Variants in GALNT7 observed in about 807,000 individuals in gnomAD.
GALNT7 encodes N-acetylgalactosaminyltransferase 7.
Under a neutral mutation model 82.1 loss-of-function variants are expected in GALNT7, and 60 were observed. The observed-to-expected ratio is 0.73, with a 90% CI of 0.59 to 0.91. The LOEUF (loss-of-function observed/expected upper bound fraction) is 0.91, where lower values mean the gene tolerates loss of function less well. Among genes scored for constraint, GALNT7 ranks in the 40% least tolerant of loss-of-function variants. The pLI, the probability that GALNT7 is intolerant of heterozygous loss-of-function variation, is 0.00. For missense variants in GALNT7, 660 were observed against 804.2 expected (o/e 0.82, Z 2.17); for synonymous variants, 243 against 275.1 (o/e 0.88, Z 1.15).
In GALNT7 at chr4:173,312,055, C is replaced by T. The variant is rs867978750; in HGVS notation, c.1390-1903C>T. ...CACTCATTTGTTTGTGTATTATCTA[C>T]GGTTACTTTCTCACTACAATAGCAG... On this transcript the variant is annotated intron_variant, in intron 8 of 11. Coordinates refer to ENST00000265000, the MANE Select transcript of GALNT7 (RefSeq NM_017423.3). Among the ~76,000 whole-genome samples, 4 of 152,244 alleles carry T rather than the reference C, an allele frequency of 2.6e-5. 1 individual carries two copies. In the Middle Eastern group the frequency reaches 0.01, roughly 388 times the overall value.
At chr4:173,276,362 CA>C (rs1561185505) in intron 2 of GALNT7, among the ~76,000 whole-genome samples, 1 of 151,970 alleles carries the variant, frequency 6.6e-6, no homozygotes, top group Admixed American at 6.6e-5. Flanking sequence ...TTGACCTTCA[CA>C]GGGATTGATT....
At chr4:173,310,290 C>T (rs1034918328) in intron 8 of GALNT7, among the ~76,000 whole-genome samples, 1 of 152,212 alleles carries the variant, frequency 6.6e-6, no homozygotes, top group Non-Finnish European at 1.5e-5. Context: ...GTGAATGAAA[C>T]TTAGGGAGGC....
intron 8 of GALNT7, among the ~76,000 whole-genome samples, chr4:173,313,495 C>T (rs1382106551): frequency 6.7e-6 from 1 of 150,108 alleles, no homozygotes; most frequent in African/African-American, 2.5e-5. Context: ...CACTTAAACC[C>T]AGGAAGTTGA....
chr4:173,293,661 A>G (rs1736617420), intron 3 of GALNT7, among the ~76,000 whole-genome samples: 1 of 152,208 alleles, frequency 6.6e-6, no homozygotes, highest in Non-Finnish European at 1.5e-5. Flanking sequence ...TTCCTCACAT[A>G]CGTGTGCATC....
At chr4:173,191,063 G>GAA (rs113249937) in intron 1 of GALNT7, among the ~76,000 whole-genome samples, 1 of 140,478 alleles carries the variant, frequency 7.1e-6, no homozygotes, top group African/African-American at 2.6e-5. Flanking sequence ...TTGGAGGACT[G>GAA]AAAAAAAAAA....
At chr4:173,248,567 C>T (rs947376225) in intron 2 of GALNT7, 127 bp downstream of exon 2, 29 of 643,516 alleles carry the variant, frequency 4.5e-5, no homozygotes, top group Non-Finnish European at 7.4e-5. Context: ...ATAAGAGGAT[C>T]TTTGAACAGC....
chr4:173,312,517 A>G (rs1304497659), intron 8 of GALNT7, among the ~76,000 whole-genome samples: 1 of 152,152 alleles, frequency 6.6e-6, no homozygotes, highest in Non-Finnish European at 1.5e-5. Context: ...GGAGGCCATT[A>G]ATGTATTAAC....
At chr4:173,189,859 A>G (rs1192001428) in intron 1 of GALNT7, among the ~76,000 whole-genome samples, 1 of 152,236 alleles carries the variant, frequency 6.6e-6, no homozygotes, top group East Asian at 1.9e-4. Flanking sequence ...ATGGAAATAC[A>G]TGAAGGCTGA....
rs898143258 is a variant in GALNT7 at position 173,311,674 on chromosome 4, C to G, written c.1390-2284C>G. 7.4e-4 allele frequency among the ~76,000 whole-genome samples: 113 copies of G among 152,288 alleles called. 2 individuals carry two copies. Among genetic ancestry groups the G allele is most frequent in the Non-Finnish European group, 3.5e-4 (24 of 68,024 alleles). On this transcript the variant is annotated intron_variant, in intron 8 of 11. Transcript: ENST00000265000. ...GGGGGTGGACTGGTGGTAAATCATT[C>G]ATGGAGGATCCACCCCATGAACCAG...
chr4:173,222,735 C>T (rs1267634184), intron 1 of GALNT7, among the ~76,000 whole-genome samples: 2 of 152,012 alleles, frequency 1.3e-5, no homozygotes, highest in East Asian at 1.9e-4. Flanking sequence ...TATTTACCTG[C>T]GATTATATAG....
chr4:173,207,016 T>G (rs779183536), intron 1 of GALNT7, among the ~76,000 whole-genome samples: 1 of 152,256 alleles, frequency 6.6e-6, no homozygotes, highest in African/African-American at 2.4e-5. Context: ...CTCCTGTCTA[T>G]AACTGTTGGG....
intron 2 of GALNT7, among the ~76,000 whole-genome samples, chr4:173,267,606 A>G (rs1735551042): frequency 6.6e-6 from 1 of 152,196 alleles, no homozygotes; most frequent in African/African-American, 2.4e-5. Flanking sequence ...CACCTCAGCA[A>G]GCAGAGCTCA....
chr4:173,183,900 G>A (rs183877082), intron 1 of GALNT7, among the ~76,000 whole-genome samples: 2,024 of 151,504 alleles, frequency 0.013, 34 homozygotes, highest in East Asian at 0.053. Context: ...CTGCCGGGTG[G>A]AGGGGCTCCT....
At chr4:173,262,281 A>G (rs1028999694) in intron 2 of GALNT7, among the ~76,000 whole-genome samples, 3 of 152,216 alleles carry the variant, frequency 2.0e-5, no homozygotes, top group African/African-American at 7.2e-5. Flanking sequence ...TAGAATCTGA[A>G]AGCATAAAAA....
intron 1 of GALNT7, among the ~76,000 whole-genome samples, chr4:173,196,730 A>G (rs1732790486): frequency 6.6e-6 from 1 of 152,068 alleles, no homozygotes; most frequent in Non-Finnish European, 1.5e-5. Flanking sequence ...GTGCGTTGTT[A>G]CCCACCATGC....
At chr4:173,318,704 C>T in intron 11 of GALNT7, 145 bp downstream of exon 11, 1 of 566,854 alleles carries the variant, frequency 1.8e-6, no homozygotes, top group Non-Finnish European at 3.1e-6. Flanking sequence ...CATAGGTTTT[C>T]CTGAGCACTG....
intron 6 of GALNT7, among the ~76,000 whole-genome samples, chr4:173,301,263 A>G (rs559261007): frequency 9.9e-5 from 15 of 152,224 alleles, no homozygotes; most frequent in Admixed American, 5.9e-4. Flanking sequence ...AGTACCCTAA[A>G]ATTTAAGAAT....
chr4:173,241,753 T>A (rs1734441379), intron 1 of GALNT7, among the ~76,000 whole-genome samples: 1 of 152,222 alleles, frequency 6.6e-6, no homozygotes, highest in African/African-American at 2.4e-5. Context: ...TTCATTATAG[T>A]ACAGGATAGA....
chr4:173,277,027 T>C (rs1032887556), intron 2 of GALNT7, among the ~76,000 whole-genome samples: 6 of 152,068 alleles, frequency 3.9e-5, no homozygotes, highest in African/African-American at 9.7e-5. Context: ...AAAGAGACGA[T>C]AGATAGATTG....
Sources: allele counts gnomAD v4.1 joint callset (sites outside exome capture counted in the v4.1 genomes callset), GRCh38; gene constraint gnomAD v4.1.1; transcripts MANE v1.5; gene names NCBI Gene and HGNC (gene_info 2026-07-23, HGNC 2026-07-21).